WWOX: variants seen among roughly 807,000 people sequenced by gnomAD.
WWOX encodes the protein WW domain containing oxidoreductase.
WWOX carries 69 observed loss-of-function variants against 46.2 expected under a neutral mutation model. The ratio of observed to expected loss-of-function variants is 1.49; its 90% confidence interval spans 1.23 to 1.82. The LOEUF (loss-of-function observed/expected upper bound fraction) is 1.82. Ranked by LOEUF, WWOX falls within the 40% of genes most tolerant of loss-of-function variation. The probability of loss-of-function intolerance (pLI) is 0.00; values close to 1 mark genes in which losing one functional copy is unlikely to be tolerated. For missense variants in WWOX, 919 were observed against 542.6 expected, an observed-to-expected ratio of 1.69 and a Z score of -6.89; for synonymous variants, 359 against 202.6, an observed-to-expected ratio of 1.77 and a Z score of -6.56.
intron 8 of WWOX, among the ~76,000 whole-genome samples, chr16:78,686,632 T>A (rs984935769): frequency 3.9e-5 from 6 of 152,194 alleles, no homozygotes; most frequent in Non-Finnish European, 7.3e-5. Context: ...ACTCCTGTTT[T>A]AATTTGTTTT....
chr16:79,031,839 ATCT>A (rs2047762553), intron 8 of WWOX, among the ~76,000 whole-genome samples: 2 of 131,496 alleles, frequency 1.5e-5, no homozygotes, highest in South Asian at 2.3e-4. Context: ...TGATATATAT[ATCT>A]TATTATATAT....
intron 8 of WWOX, among the ~76,000 whole-genome samples, chr16:78,938,760 G>C (rs990937302): frequency 1.3e-5 from 2 of 152,154 alleles, no homozygotes; most frequent in Non-Finnish European, 2.9e-5. Flanking sequence ...ATACAGGAGA[G>C]AAGTGAGGTA....
chr16:78,406,736 C>G (rs971788904), intron 6 of WWOX, among the ~76,000 whole-genome samples: 1 of 151,642 alleles, frequency 6.6e-6, no homozygotes, highest in Non-Finnish European at 1.5e-5. Flanking sequence ...AAGCGATTCT[C>G]CTGCCTCAGC....
intron 8 of WWOX, among the ~76,000 whole-genome samples, chr16:78,937,465 T>TG (rs1330622223): frequency 6.8e-6 from 1 of 146,518 alleles, no homozygotes; most frequent in East Asian, 2.0e-4. Flanking sequence ...TTTTTTTTTT[T>TG]TTTTTTTTTA....
intron 8 of WWOX, among the ~76,000 whole-genome samples, chr16:79,166,214 C>T (rs1314356019): frequency 6.6e-6 from 1 of 152,200 alleles, no homozygotes; most frequent in African/African-American, 2.4e-5. Context: ...TCAATCACTT[C>T]TGGAGGCAGA....
intron 8 of WWOX, among the ~76,000 whole-genome samples, chr16:78,469,873 A>G (rs143529302): frequency 3.9e-5 from 6 of 152,354 alleles, no homozygotes; most frequent in African/African-American, 4.8e-5. Context: ...AGACAAACCG[A>G]TATCTGTAAC....
At chr16:78,963,264 T>G (rs2046305267) in intron 8 of WWOX, among the ~76,000 whole-genome samples, 1 of 151,326 alleles carries the variant, frequency 6.6e-6, no homozygotes, top group Admixed American at 6.6e-5. Flanking sequence ...AGTCCGGGAG[T>G]TGAAGACCAG....
At chr16:78,584,262 G>A (rs1421635438) in intron 8 of WWOX, among the ~76,000 whole-genome samples, 4 of 152,152 alleles carry the variant, frequency 2.6e-5, no homozygotes, top group South Asian at 4.1e-4. Context: ...ATTGTAAGAA[G>A]TGCTTTACAT....
chr16:78,944,234 A>T (rs567622666), intron 8 of WWOX, among the ~76,000 whole-genome samples: 1 of 152,218 alleles, frequency 6.6e-6, no homozygotes, highest in East Asian at 1.9e-4. Flanking sequence ...TTTCCAGATA[A>T]AAGTTGACTC....
At chr16:78,680,146 A>G (rs1017633335) in intron 8 of WWOX, among the ~76,000 whole-genome samples, 4 of 152,188 alleles carry the variant, frequency 2.6e-5, no homozygotes, top group African/African-American at 9.7e-5. Context: ...GTGGCGGCTC[A>G]CGCCTGTAAT....
chr16:78,416,904 C>G (rs1030506998), intron 6 of WWOX, among the ~76,000 whole-genome samples: 1 of 152,152 alleles, frequency 6.6e-6, no homozygotes, highest in African/African-American at 2.4e-5. Flanking sequence ...GGTGAACTAA[C>G]TGGCCATGAG....
intron 8 of WWOX, among the ~76,000 whole-genome samples, chr16:79,042,821 A>G (rs2047998062): frequency 6.6e-6 from 1 of 151,952 alleles, no homozygotes; most frequent in Non-Finnish European, 1.5e-5. Flanking sequence ...GCAAGTACCA[A>G]AACAAAACAA....
chr16:78,653,168 A>T (rs555588891), intron 8 of WWOX, among the ~76,000 whole-genome samples: 6 of 152,314 alleles, frequency 3.9e-5, no homozygotes, highest in African/African-American at 1.4e-4. Flanking sequence ...TTAAAAAAAC[A>T]AGAATTTCTC....
At chr16:78,427,997 GGTGGAGATTGCAGTGA>G (rs1261376991) in intron 7 of WWOX, among the ~76,000 whole-genome samples, 1 of 152,124 alleles carries the variant, frequency 6.6e-6, no homozygotes, top group African/African-American at 2.4e-5. Flanking sequence ...GAACTTGGGA[GGTGGAGATTGCAGTGA>G]GTGGAGATTG....
chr16:78,339,184 A>G (rs2080958420), intron 5 of WWOX, among the ~76,000 whole-genome samples: 1 of 119,674 alleles, frequency 8.4e-6, no homozygotes, highest in South Asian at 2.5e-4. Context: ...AATTGTTATA[A>G]ATAAGTAAGT....
intron 8 of WWOX, among the ~76,000 whole-genome samples, chr16:78,684,466 G>C (rs188548306): frequency 7.2e-5 from 11 of 152,298 alleles, no homozygotes; most frequent in African/African-American, 2.6e-4. Context: ...GTCAGATCAA[G>C]TCCAGAATTC....
chr16:78,695,865 C>A (rs1426690155), intron 8 of WWOX, among the ~76,000 whole-genome samples: 1 of 152,182 alleles, frequency 6.6e-6, no homozygotes, highest in African/African-American at 2.4e-5. Context: ...AGATGTCATT[C>A]CTTAAAGGGG....
At chr16:78,266,213 A>C (rs964565222) in intron 5 of WWOX, among the ~76,000 whole-genome samples, 1 of 152,212 alleles carries the variant, frequency 6.6e-6, no homozygotes, top group Non-Finnish European at 1.5e-5. Flanking sequence ...AAACCAATAG[A>C]ATAATGTTTT....
intron 8 of WWOX, among the ~76,000 whole-genome samples, chr16:78,955,221 G>A (rs1466654010): frequency 6.6e-6 from 1 of 152,210 alleles, no homozygotes; most frequent in African/African-American, 2.4e-5. Context: ...GAGCTGCAAT[G>A]TGGGTGCTCA....
Sources: allele counts gnomAD v4.1 joint callset (sites outside exome capture counted in the v4.1 genomes callset), GRCh38; gene constraint gnomAD v4.1.1; transcripts MANE v1.5; gene names NCBI Gene and HGNC (gene_info 2026-07-23, HGNC 2026-07-21).